Variants in FREM1 observed in about 807,000 individuals in gnomAD.
The protein encoded by FREM1 is FRAS1-related extracellular matrix protein 1.
FREM1 carries 220 observed loss-of-function variants against 210.1 expected under a neutral mutation model. That is an observed-to-expected ratio of 1.05 (90% confidence interval 0.94 to 1.17). The LOEUF (loss-of-function observed/expected upper bound fraction) is 1.17, where lower values mean the gene tolerates loss of function less well. Among genes scored for constraint, FREM1 ranks in the 50% most tolerant of loss-of-function variants. The pLI is 0.00. For synonymous variants in FREM1, 1,189 were observed against 980.2 expected (o/e 1.21, Z -3.98); for missense variants, 3,454 against 2,675.5 (o/e 1.29, Z -6.42).
At chr9:14,817,233 G>A (rs908854773) in intron 14 of FREM1, among the ~76,000 whole-genome samples, 1 of 152,180 alleles carries the variant, frequency 6.6e-6, no homozygotes, top group Non-Finnish European at 1.5e-5. Context: ...CAGTAGATGA[G>A]GAAAAGTGGG....
In FREM1 at chr9:14,808,808, G is replaced by A. The variant is rs564522221; in HGVS notation, c.2894-674C>T. Among the ~76,000 whole-genome samples, 24 of 152,270 alleles carry A rather than the reference G, an allele frequency of 1.6e-4. 1 individual carries two copies. The South Asian group carries it at 4.1e-3, about 26-fold the overall frequency. On this transcript the variant is annotated intron_variant, in intron 16 of 36. Coordinates refer to ENST00000380880, the MANE Select transcript of FREM1 (RefSeq NM_001379081.2). ...CAGTTTAGACAGTGACAGGAAGAAG[G>A]AACAAAATGTCAGGATTAGACAGTT...
chr9:14,793,803 C>T (rs1851843527), intron 21 of FREM1, among the ~76,000 whole-genome samples: 1 of 152,176 alleles, frequency 6.6e-6, no homozygotes, highest in South Asian at 2.1e-4. Context: ...TGCGGAGATG[C>T]CAAAACCTGA....
chr9:14,827,450 T>C (rs1304665832), intron 10 of FREM1, among the ~76,000 whole-genome samples: 1 of 152,234 alleles, frequency 6.6e-6, no homozygotes, highest in African/African-American at 2.4e-5. Flanking sequence ...GCACGTTGCA[T>C]GGCTTTTCTT....
chr9:14,743,293 G>C (rs1237380422), intron 35 of FREM1, among the ~76,000 whole-genome samples: 1 of 151,994 alleles, frequency 6.6e-6, no homozygotes, highest in Non-Finnish European at 1.5e-5. Flanking sequence ...AGAACTCATT[G>C]CTACTCACCA....
At chr9:14,861,191 A>G (rs1384691532) in intron 3 of FREM1, among the ~76,000 whole-genome samples, 4 of 124,558 alleles carry the variant, frequency 3.2e-5, no homozygotes, top group African/African-American at 7.4e-5. Context: ...ATACACATAT[A>G]TACATATATA....
At position 14,816,466 on chromosome 9, in the gene FREM1, G is replaced by T. The variant is rs542423142; in HGVS notation, c.2640+312C>A. Among the ~76,000 whole-genome samples, 8 of 152,206 alleles carry T rather than the reference G, an allele frequency of 5.3e-5. No individual in the cohort carries two copies. The South Asian group carries it at 1.2e-3, about 24-fold the overall frequency. On this transcript the variant is annotated intron_variant, in intron 15 of 36. Coordinates refer to ENST00000380880, the MANE Select transcript of FREM1 (RefSeq NM_001379081.2). ...CCAGAAAAGCATGCATTGAAAACTT[G>T]CAACAGTGTTGGGAGGTGGGAGGTT...
At chr9:14,866,805 C>T (rs1244785998) in intron 2 of FREM1, among the ~76,000 whole-genome samples, 3 of 152,136 alleles carry the variant, frequency 2.0e-5, no homozygotes, top group Non-Finnish European at 2.9e-5. Flanking sequence ...ACACCCCAGT[C>T]CTCTAGGATC....
At chr9:14,851,641 A>T in intron 5 of FREM1, 34 bp from the exon 6 acceptor site, 1 of 1,455,382 alleles carries the variant, frequency 6.9e-7, no homozygotes, top group Non-Finnish European at 9.7e-7. Flanking sequence ...AAAGGAGGAA[A>T]TAATATGAAT....
intron 35 of FREM1, among the ~76,000 whole-genome samples, chr9:14,745,448 T>C (rs750301712): frequency 3.9e-5 from 6 of 152,318 alleles, no homozygotes; most frequent in Non-Finnish European, 7.4e-5. Flanking sequence ...AGACTCCAAA[T>C]CATTTATTAT....
intron 1 of FREM1, among the ~76,000 whole-genome samples, chr9:14,891,901 G>A (rs1190659566): frequency 1.3e-5 from 2 of 152,182 alleles, no homozygotes; most frequent in African/African-American, 4.8e-5. Context: ...AGAGATTGAG[G>A]TCTTGTGGGA....
At chr9:14,856,879 AGTTTCCCCG>A (rs1376649356) in intron 5 of FREM1, among the ~76,000 whole-genome samples, 1 of 151,996 alleles carries the variant, frequency 6.6e-6, no homozygotes, top group Non-Finnish European at 1.5e-5. Flanking sequence ...CAGCAGGTGC[AGTTTCCCCG>A]GTTTCCCCAA....
At chr9:14,875,286 C>G (rs1359945622) in intron 1 of FREM1, among the ~76,000 whole-genome samples, 1 of 152,114 alleles carries the variant, frequency 6.6e-6, no homozygotes, top group Non-Finnish European at 1.5e-5. Flanking sequence ...TCCATTCTCC[C>G]CATCACTCAT....
Position 14,863,799 on chromosome 9 carries a change from T to G in FREM1, c.329+10A>C, listed in dbSNP as rs369341108. The stretch of plus-strand genomic sequence containing the variant: ...TGGCAGCAAATGAGCGATGTTCCCG[T>G]GCCGCTTACCTGTAAAGTCTGAGCT... On this transcript the variant is annotated intron_variant, in intron 3 of 36. Coordinates refer to ENST00000380880, the MANE Select transcript of FREM1 (RefSeq NM_001379081.2). 502 of 1,572,458 alleles carry G rather than the reference T, an allele frequency of 3.2e-4. No individual in the cohort carries two copies. The highest frequency in any genetic ancestry group is 4.2e-4 in the Non-Finnish European group (476 of 1,142,542).
intron 24 of FREM1, among the ~76,000 whole-genome samples, chr9:14,778,607 CAAAAAAA>C (rs1169611171): frequency 2.9e-4 from 9 of 31,252 alleles, no homozygotes; most frequent in Non-Finnish European, 4.6e-4. Flanking sequence ...GAACCTGTCT[CAAAAAAA>C]AAAAAAAAAA....
chr9:14,875,109 T>A (rs921563896), intron 1 of FREM1, among the ~76,000 whole-genome samples: 1 of 152,230 alleles, frequency 6.6e-6, no homozygotes, highest in African/African-American at 2.4e-5. Flanking sequence ...CATTTTTTCC[T>A]TCATGTCAAC....
chr9:14,747,351 A>T lies in FREM1; in HGVS notation c.5922T>A (p.Ile1974=). The T allele has an allele frequency of 1.2e-6, 2 of 1,613,746 alleles. No homozygotes were observed. Among genetic ancestry groups the T allele is most frequent in the Non-Finnish European group, 1.7e-6 (2 of 1,179,724 alleles). Residue 1974 remains isoleucine, a synonymous_variant, in exon 33 of 37, where the codon ATT becomes ATA. Transcript: ENST00000380880. ...THKRKAKVSI[I]SQPQKTIKVA... ...CTTTGATTGTCTTTTGTGGCTGACT[A>T]ATGATGGATACTTTGGCCTTCCTTT...
intron 25 of FREM1, among the ~76,000 whole-genome samples, chr9:14,773,508 T>C (rs1258552498): frequency 1.3e-5 from 2 of 152,158 alleles, no homozygotes; most frequent in Non-Finnish European, 2.9e-5. Context: ...AGTCACTTTC[T>C]AAAGCCTCTT....
chr9:14,831,409 G>T (rs868377195), intron 10 of FREM1, among the ~76,000 whole-genome samples: 14 of 152,172 alleles, frequency 9.2e-5, no homozygotes, highest in Non-Finnish European at 4.4e-5. Context: ...TCAGGCTCTA[G>T]GCCTCTTCTG....
intron 36 of FREM1, among the ~76,000 whole-genome samples, chr9:14,739,490 T>TG (rs1841099790): frequency 7.0e-6 from 1 of 142,224 alleles, no homozygotes; most frequent in Admixed American, 7.0e-5. Context: ...CATATATATA[T>TG]ATTCATATAT....
Sources: gnomAD v4.1 joint callset for allele counts (sites outside exome capture counted in the v4.1 genomes callset) on GRCh38, gnomAD v4.1.1 for gene constraint, MANE v1.5 for transcripts, NCBI Gene and HGNC (gene_info 2026-07-23, HGNC 2026-07-21) for gene names.